The following CRCP variants were observed in gnomAD, a reference collection of about 807,000 sequenced individuals.
CRCP encodes CGRP receptor component.
In CRCP, 18 loss-of-function variants were observed where a neutral mutation model predicts 18.5. That is an observed-to-expected ratio of 0.97 (90% CI 0.67 to 1.44). The LOEUF is 1.44. CRCP is among the 40% of genes most tolerant of loss of function. The probability of loss-of-function intolerance (pLI) is 0.00; values close to 1 mark genes in which losing one functional copy is unlikely to be tolerated. For missense variants in CRCP, 130 were observed against 176.4 expected, an observed-to-expected ratio of 0.74 and a Z score of 1.49; for synonymous variants, 53 against 62.9, an observed-to-expected ratio of 0.84 and a Z score of 0.75.
intron 1 of CRCP, among the ~76,000 whole-genome samples, chr7:66,124,307 C>T (rs1459663635): frequency 1.3e-5 from 2 of 151,846 alleles, no homozygotes; most frequent in African/African-American, 2.4e-5. Flanking sequence ...TTGCAGCGAG[C>T]CGAGATCGCA....
chr7:66,130,593 C>T (rs1562764255), intron 2 of CRCP, 151 bp from the exon 3 acceptor site: 1 of 505,866 alleles, frequency 2.0e-6, no homozygotes, highest in Non-Finnish European at 3.6e-6. Context: ...CTCTGGGACT[C>T]ATATTTGCTC....
intron 2 of CRCP, chr7:66,128,677 G>A (rs1042245169): frequency 1.3e-5 from 2 of 152,146 alleles, no homozygotes; most frequent in Admixed American, 6.5e-5. Context: ...TTTCTGAATA[G>A]TAGAAATTAA....
In CRCP at chr7:66,130,851, G is replaced by C; in HGVS notation, c.144+9G>C. On this transcript the variant is annotated intron_variant, in intron 3 of 5. Coordinates refer to ENST00000395326, the MANE Select transcript of CRCP (RefSeq NM_014478.5). The stretch of plus-strand genomic sequence containing the variant: ...ACACTATCACCTATGAAGTAAGGCT[G>C]GGCTTCTGCCAGGCCTACCTAAAGT... 2 of 1,433,028 alleles carry C rather than the reference G, an allele frequency of 1.4e-6. No individual in the cohort carries two copies. Among genetic ancestry groups the C allele is most frequent in the Non-Finnish European group, 9.8e-7 (1 of 1,020,236 alleles). 88.8% of individuals were successfully genotyped at this position (1,433,028 alleles called of 1,614,324 possible).
rs536172093 is a variant in CRCP, at chr7:66,146,143, A to G, written c.297+643A>G. On this transcript the variant is annotated intron_variant, in intron 5 of 5. Coordinates refer to ENST00000395326, the MANE Select transcript of CRCP (RefSeq NM_014478.5). ...CCATTCTCCCTGGCTCCCCAAGTCC[A>G]TCTCCCACATCACCGTCAGAGATCA... is the stretch of plus-strand genomic sequence containing the variant. Among the ~76,000 whole-genome samples, 6 of 152,178 alleles carry G rather than the reference A, an allele frequency of 3.9e-5. No individual in the cohort carries two copies. The East Asian group carries it at 1.2e-3, about 29-fold the overall frequency.
intron 5 of CRCP, among the ~76,000 whole-genome samples, chr7:66,149,138 C>G (rs1788383359): frequency 6.6e-6 from 1 of 152,154 alleles, no homozygotes; most frequent in African/African-American, 2.4e-5. Context: ...CCCTTATGTT[C>G]TCAACTACCT....
Position 66,114,858 on chromosome 7 carries a change from T to A in CRCP, c.-105T>A. On this transcript the variant is annotated 5_prime_UTR_variant, in exon 1 of 6. Transcript: ENST00000395326. ...AGCGCGGCGATCCCGGCGAGCACCTTGGCGCGCGGAGCTGGCACCTTGGCG... is the reference window on the plus strand; with the variant it reads ...AGCGCGGCGATCCCGGCGAGCACCTAGGCGCGCGGAGCTGGCACCTTGGCG... The A allele has an allele frequency of 6.3e-7, 1 of 1,599,900 alleles. No homozygotes were observed. Among genetic ancestry groups the A allele is most frequent in the Non-Finnish European group, 8.6e-7 (1 of 1,168,944 alleles).
chr7:66,122,986 G>C (rs866093262), intron 1 of CRCP, among the ~76,000 whole-genome samples: 1 of 138,844 alleles, frequency 7.2e-6, no homozygotes, highest in Non-Finnish European at 1.5e-5. Flanking sequence ...ATGGAGTCTC[G>C]CTCTGTCGCC....
chr7:66,117,689 G>A (rs1376356938), intron 1 of CRCP, among the ~76,000 whole-genome samples: 1 of 152,222 alleles, frequency 6.6e-6, no homozygotes, highest in Non-Finnish European at 1.5e-5. Flanking sequence ...GTGATCTTAA[G>A]TAATGATTGG....
Position 66,121,625 on chromosome 7 carries a change from T to C in CRCP, c.9-6079T>C, listed in dbSNP as rs148708679. Reference sequence around the variant, plus strand: ...CAGGCATGCGCCACCATGCAAAATATTTATATAGCAAAATTAGGTATTTCT... The same window carrying C: ...CAGGCATGCGCCACCATGCAAAATACTTATATAGCAAAATTAGGTATTTCT... On this transcript the variant is annotated intron_variant, in intron 1 of 5. Coordinates refer to ENST00000395326, the MANE Select transcript of CRCP (RefSeq NM_014478.5). 9.5e-3 allele frequency among the ~76,000 whole-genome samples: 1,453 copies of C among 152,232 alleles called. 12 individuals carry two copies. The highest frequency in any genetic ancestry group is 0.031 in the Middle Eastern group (9 of 294).
intron 4 of CRCP, among the ~76,000 whole-genome samples, chr7:66,138,615 C>T (rs1348187055): frequency 9.2e-6 from 1 of 108,312 alleles, no homozygotes; most frequent in East Asian, 2.5e-4. Context: ...GAAACCTCGT[C>T]TCTACTAAAA....
At chr7:66,149,034 G>A (rs901082620) in intron 5 of CRCP, among the ~76,000 whole-genome samples, 4 of 152,158 alleles carry the variant, frequency 2.6e-5, no homozygotes, top group Admixed American at 6.5e-5. Flanking sequence ...TTTGGAGGTC[G>A]GCAACCCGGT....
Position 66,114,890 on chromosome 7 carries a change from G to T in CRCP, c.-73G>T. 1.2e-6 allele frequency: 2 copies of T among 1,609,312 alleles called. No homozygotes were observed. The highest frequency in any genetic ancestry group is 1.7e-6 in the Non-Finnish European group (2 of 1,176,212). ...CGGAGCTGGCACCTTGGCGCTGTTG[G>T]TGGCGGCGGAGACAGCTGTGAAGTG... On this transcript the variant is annotated 5_prime_UTR_variant, in exon 1 of 6. Transcript: ENST00000395326.
intron 1 of CRCP, 61 bp downstream of exon 1, chr7:66,115,031 G>A: frequency 6.3e-7 from 1 of 1,582,146 alleles, no homozygotes; most frequent in Non-Finnish European, 8.6e-7. Flanking sequence ...ACCGCTGAGA[G>A]CTGAGAGCCG....
Position 66,142,921 on chromosome 7 carries a change from T to C in CRCP, c.240-2522T>C, listed in dbSNP as rs375714751. On this transcript the variant is annotated intron_variant, in intron 4 of 5. Coordinates refer to ENST00000395326, the MANE Select transcript of CRCP (RefSeq NM_014478.5). ...TCATGTAACTCCTTGCAAATAAATC[T>C]AGTGCTGGTTTTTTTCCTTTAGTTT... Among the ~76,000 whole-genome samples the C allele has an allele frequency of 6.6e-5, 10 of 152,232 alleles. No individual in the cohort carries two copies. The East Asian group carries it at 1.7e-3, about 26-fold the overall frequency.
intron 1 of CRCP, among the ~76,000 whole-genome samples, chr7:66,123,978 GA>G (rs1458127970): frequency 6.8e-6 from 1 of 146,204 alleles, no homozygotes; most frequent in Non-Finnish European, 1.5e-5. Context: ...CCGGGAGGCG[GA>G]GCTTGCAGTG....
rs35682014 is a variant in CRCP at position 66,130,097 on chromosome 7, CTTTTTTTTTT to C, written c.46-630_46-621del. 12 of 100,558 alleles carry C rather than the reference CTTTTTTTTTT, an allele frequency of 1.2e-4. No homozygotes were observed. In the East Asian group the frequency reaches 1.3e-3, roughly 11 times the overall value. The allele number at this position is 100,558 out of a possible 1,614,324, so 6.2% of individuals were successfully genotyped here. A position where few individuals can be genotyped will look rare whatever the true frequency, so the allele number is the denominator to read the frequency against. Reference sequence around the variant, plus strand: ...ATTTTTATACTAGAGAAGCAGGATTCTTTTTTTTTTTTTTTTTTTTTTTTTTCAGATGGAG... The same window carrying C: ...ATTTTTATACTAGAGAAGCAGGATTCTTTTTTTTTTTTTTTTCAGATGGAG... On this transcript the variant is annotated intron_variant, in intron 2 of 5. Transcript: ENST00000395326.
At chr7:66,148,061 TAA>T (rs879398924) in intron 5 of CRCP, among the ~76,000 whole-genome samples, 2 of 142,318 alleles carry the variant, frequency 1.4e-5, no homozygotes, top group Non-Finnish European at 3.1e-5. Context: ...ACCTGTCTTT[TAA>T]AAAAAAAAAA....
intron 1 of CRCP, among the ~76,000 whole-genome samples, chr7:66,121,615 A>G (rs1035811012): frequency 2.0e-5 from 3 of 152,126 alleles, no homozygotes; most frequent in South Asian, 2.1e-4. Context: ...ATGCGCCACC[A>G]TGCAAAATAT....
chr7:66,141,071 A>C (rs1189563511), intron 4 of CRCP, among the ~76,000 whole-genome samples: 2 of 152,098 alleles, frequency 1.3e-5, no homozygotes, highest in African/African-American at 4.8e-5. Context: ...CCCTTTGATT[A>C]ATTGCTTGTT....
Sources: allele counts gnomAD v4.1 joint callset (sites outside exome capture counted in the v4.1 genomes callset), GRCh38; gene constraint gnomAD v4.1.1; transcripts MANE v1.5; gene names NCBI Gene and HGNC (gene_info 2026-07-23, HGNC 2026-07-21).